CFAP57: variants seen among roughly 807,000 people sequenced by gnomAD.
CFAP57 encodes cilia- and flagella-associated protein 57.
Under a neutral mutation model 146.8 loss-of-function variants are expected in CFAP57, and 116 were observed. The observed-to-expected ratio is 0.79, with a 90% CI of 0.68 to 0.92. The LOEUF (loss-of-function observed/expected upper bound fraction) is 0.92, where lower values mean the gene tolerates loss of function less well. Among genes scored for constraint, CFAP57 ranks in the 40% least tolerant of loss-of-function variants. CFAP57 has a pLI of 0.00. For missense variants in CFAP57, 1,377 were observed against 1,527.2 expected, an observed-to-expected ratio of 0.90 and a Z score of 1.64; for synonymous variants, 518 against 552.8, an observed-to-expected ratio of 0.94 and a Z score of 0.88.
In CFAP57 at chr1:43,243,276, A is replaced by C. The variant is rs778819870; in HGVS notation, c.3455A>C (p.Lys1152Thr). ...KEINELRREL[K>T]FTRSQVYDLE... ...ATTAATGAGCTCCGCAGGGAGCTGA[A>C]GTTCACTCGGTCCCAAGTCTATGAC... The change falls in exon 22 of 23, where the codon AAG becomes ACG. Residue 1152 changes from lysine (K) to threonine (T), a missense_variant. By Grantham distance (78) the Lys-to-Thr change is moderately conservative (BLOSUM62 -1). Transcript: ENST00000372492. The C allele has an allele frequency of 6.5e-7, 1 of 1,550,200 alleles. No individual in the cohort carries two copies. Among genetic ancestry groups the C allele is most frequent in the Admixed American group, 2.0e-5 (1 of 50,964 alleles).
rs190605241 is a variant in CFAP57 at position 43,223,385 on chromosome 1, T to A, written c.2706+388T>A. On this transcript the variant is annotated intron_variant, in intron 16 of 22. Transcript: ENST00000372492. The stretch of plus-strand genomic sequence containing the variant: ...TAGATGAAGTCTTGGCCGGGAGGCA[T>A]CCTCGGGCTCTTGGTCCAGGGAGTC... 1.2e-4 allele frequency among the ~76,000 whole-genome samples: 18 copies of A among 152,306 alleles called. No homozygotes were observed. The East Asian group carries it at 3.1e-3, about 26-fold the overall frequency.
At chr1:43,214,233 T>C (rs1644748119) in intron 11 of CFAP57, among the ~76,000 whole-genome samples, 1 of 152,174 alleles carries the variant, frequency 6.6e-6, no homozygotes, top group African/African-American at 2.4e-5. Context: ...GTTTGTTTAA[T>C]GTTGAATTGT....
At position 43,201,854 on chromosome 1, in the gene CFAP57, A is replaced by T. The variant is rs1644138941; in HGVS notation, c.1542+2351A>T. 6.6e-6 allele frequency among the ~76,000 whole-genome samples: 1 copy of T among 152,190 alleles called. No individual in the cohort carries two copies. The highest frequency in any genetic ancestry group is 2.4e-5 in the African/African-American group (1 of 41,444). On this transcript the variant is annotated intron_variant, in intron 9 of 22. Transcript: ENST00000372492. The surrounding 1 kb of genome is among the most constrained non-coding windows in gnomAD (Gnocchi z 4.4). ...GGTCTTGAACTACTGACCTCAGGTG[A>T]TCCACCCACCTCGGCCTCCCAAAGT... is the stretch of plus-strand genomic sequence containing the variant.
chr1:43,215,377 C>G lies in CFAP57; in HGVS notation c.2052C>G (p.Ala684=). ...GIKREREVGF[A]EEVLVTKTDM... ...AGCGAGAGAGGGAGGTGGGCTTTGC[C>G]GAAGAGGTGCTTGTGACTAAAACAG... is the stretch of plus-strand genomic sequence containing the variant. The change falls in exon 12 of 23, where the codon GCC becomes GCG. Residue 684 remains alanine (A), a synonymous_variant. Transcript: ENST00000372492. The G allele has an allele frequency of 6.4e-7, 1 of 1,550,878 alleles. No individual in the cohort carries two copies.
intron 22 of CFAP57, among the ~76,000 whole-genome samples, chr1:43,252,238 G>T (rs1042263831): frequency 2.0e-5 from 3 of 152,084 alleles, no homozygotes; most frequent in African/African-American, 7.2e-5. Flanking sequence ...TTGACTAGAG[G>T]AGAAAACTTA....
chr1:43,193,942 TTA>T (rs1318467509), intron 6 of CFAP57, among the ~76,000 whole-genome samples: 1 of 152,136 alleles, frequency 6.6e-6, no homozygotes, highest in African/African-American at 2.4e-5. Context: ...TTTCTATATG[TTA>T]TAGCAACAAC....
At position 43,200,043 on chromosome 1, in the gene CFAP57, C is replaced by T. The variant is rs146846360; in HGVS notation, c.1542+540C>T. Among the ~76,000 whole-genome samples the T allele has an allele frequency of 4.9e-4, 75 of 151,708 alleles. 2 individuals carry two copies. In the East Asian group the frequency reaches 7.8e-3, roughly 16 times the overall value. On this transcript the variant is annotated intron_variant, in intron 9 of 22. Coordinates refer to ENST00000372492, the MANE Select transcript of CFAP57 (RefSeq NM_001378189.1). ...AGACTTTCAGGGCAGAGAATATGACCGGATTTGCATTTTGAAGGATTACTT... is the reference window on the plus strand; with the variant it reads ...AGACTTTCAGGGCAGAGAATATGACTGGATTTGCATTTTGAAGGATTACTT...
At chr1:43,206,448 G>T in intron 9 of CFAP57, 1 of 471,642 alleles carries the variant, frequency 2.1e-6, no homozygotes, top group Non-Finnish European at 3.8e-6. Flanking sequence ...TAATTGGTTG[G>T]TTCTAGCCTT....
chr1:43,223,116 C>T (rs1460644153), intron 16 of CFAP57, 119 bp downstream of exon 16: 46 of 1,148,690 alleles, frequency 4.0e-5, no homozygotes, highest in Non-Finnish European at 5.3e-5. Flanking sequence ...CCATCTTCAG[C>T]GAGCAGGCTG....
At chr1:43,251,460 C>T (rs535777223) in intron 22 of CFAP57, among the ~76,000 whole-genome samples, 15 of 152,298 alleles carry the variant, frequency 9.8e-5, no homozygotes, top group African/African-American at 2.9e-4. Flanking sequence ...CCTGAAGGTC[C>T]TTTCCTGAAG....
chr1:43,247,031 A>G (rs928075555), intron 22 of CFAP57, among the ~76,000 whole-genome samples: 14 of 152,244 alleles, frequency 9.2e-5, no homozygotes, highest in African/African-American at 3.1e-4. Context: ...AACACAAACT[A>G]TTGATTCAAG....
intron 21 of CFAP57, among the ~76,000 whole-genome samples, chr1:43,236,409 T>A (rs568682467): frequency 2.0e-5 from 3 of 151,246 alleles, no homozygotes; most frequent in African/African-American, 7.3e-5. Flanking sequence ...CCGACCCTGG[T>A]TTACCCTGCT....
chr1:43,202,870 T>G (rs1200770351), intron 9 of CFAP57, among the ~76,000 whole-genome samples: 1 of 149,692 alleles, frequency 6.7e-6, no homozygotes, highest in Non-Finnish European at 1.5e-5. Context: ...ACTGACAAAT[T>G]CCTATAAAAA....
chr1:43,181,629 A>G lies in CFAP57; in HGVS notation c.253A>G (p.Thr85Ala), dbSNP rs775152671. The G allele has an allele frequency of 5.0e-6, 8 of 1,614,180 alleles. No homozygotes were observed. The highest frequency in any genetic ancestry group is 1.6e-4 in the Middle Eastern group (1 of 6,062). The change falls in exon 3 of 23, where the codon ACC becomes GCC. Residue 85 changes from threonine (T) to alanine (A), a missense_variant. Transcript: ENST00000372492. ...GACTGTGCAAGAAAAACCTGCCATC[A>G]CCATTTATGAATTGTCATCCATCCC... ...SETVQEKPAI[T>A]IYELSSIPCR... is the part of the protein sequence containing the mutation.
Position 43,172,822 on chromosome 1 carries a change from C to A in CFAP57, c.69C>A (p.Phe23Leu), listed in dbSNP as rs768737516. Reference sequence around the variant, plus strand: ...GATCCCACGTGGCCAACAATATCTTCTACTTCGATGAACAGATCATTATAT... The same window carrying A: ...GATCCCACGTGGCCAACAATATCTTATACTTCGATGAACAGATCATTATAT... ...GLRSHVANNI[F>L]YFDEQIIIFP... The change falls in exon 2 of 23, where the codon TTC (phenylalanine) becomes TTA (leucine). Residue 23 changes from phenylalanine (F) to leucine (L), a missense_variant. By Grantham distance (22) the Phe-to-Leu change is conservative (BLOSUM62 0). Transcript: ENST00000372492. 9.3e-6 allele frequency: 15 copies of A among 1,614,022 alleles called. No homozygotes were observed. Among genetic ancestry groups the A allele is most frequent in the South Asian group, 1.1e-5 (1 of 91,088 alleles).
Position 43,234,566 on chromosome 1 carries a change from C to T in CFAP57, c.3333C>T (p.Asn1111=). The change falls in exon 21 of 23, where the codon AAC becomes AAT. Residue 1111 remains asparagine, a synonymous_variant. Transcript: ENST00000372492. The part of the protein sequence containing the change: ...YTRQREHLER[N]LATLKKKVVK... ...GGCAGCGGGAGCACCTGGAGAGGAA[C>T]CTGGCCACTCTCAAGAAGAAGGTGG... 8 of 1,550,512 alleles carry T rather than the reference C, an allele frequency of 5.2e-6. No individual in the cohort carries two copies. The highest frequency in any genetic ancestry group is 7.0e-6 in the Non-Finnish European group (8 of 1,146,972).
intron 22 of CFAP57, among the ~76,000 whole-genome samples, chr1:43,244,516 T>G (rs1214808130): frequency 6.6e-6 from 1 of 152,194 alleles, no homozygotes; most frequent in East Asian, 1.9e-4. Flanking sequence ...TGGCTAGGGT[T>G]GAAGTTGAAA....
intron 2 of CFAP57, among the ~76,000 whole-genome samples, chr1:43,178,460 A>C (rs554022851): frequency 6.6e-6 from 1 of 152,344 alleles, no homozygotes; most frequent in East Asian, 1.9e-4. Context: ...CAACCCCATC[A>C]AAAAGTGGGC....
At chr1:43,224,513 A>G (rs1400033495) in intron 17 of CFAP57, among the ~76,000 whole-genome samples, 2 of 152,200 alleles carry the variant, frequency 1.3e-5, no homozygotes, top group African/African-American at 4.8e-5. Context: ...GGCTGCAATA[A>G]GAACCGAGTC....
Sources: gnomAD v4.1 joint callset for allele counts (sites outside exome capture counted in the v4.1 genomes callset) on GRCh38, gnomAD v4.1.1 for gene constraint, Gnocchi (gnomAD v3.1) non-coding constraint, MANE v1.5 for transcripts, NCBI Gene and HGNC (gene_info 2026-07-23, HGNC 2026-07-21) for gene names.